The following DMBX1 variants were observed in gnomAD, a reference collection of about 807,000 sequenced individuals.
The protein encoded by DMBX1 is diencephalon/mesencephalon homeobox 1, also known as diencephalon/mesencephalon homeobox protein 1.
DMBX1 carries 7 observed loss-of-function variants against 30.4 expected under a neutral mutation model. The observed-to-expected ratio is 0.23, with a 90% CI of 0.13 to 0.43. The LOEUF (loss-of-function observed/expected upper bound fraction) is 0.43, where lower values mean the gene tolerates loss of function less well. DMBX1 is among the 20% of genes least tolerant of loss of function. The pLI, the probability that DMBX1 is intolerant of heterozygous loss-of-function variation, is 1.00. For synonymous variants in DMBX1, 222 were observed against 214.2 expected (o/e 1.04, Z -0.32); for missense variants, 460 against 508.5 (o/e 0.90, Z 0.92).
At position 46,515,949 on chromosome 1, in the gene DMBX1, TAC is replaced by T. The variant is rs1317802008; in HGVS notation, c.*3457_*3458del. ...CCCCAACTCCAAGGCTGGTGGGCTC[TAC>T]AGACTGCTTTCCAAACCAGCTGTTT... On this transcript the variant is annotated 3_prime_UTR_variant, in exon 6 of 6. Transcript: ENST00000360032. 6.6e-6 allele frequency among the ~76,000 whole-genome samples: 1 copy of T among 152,236 alleles called. No individual in the cohort carries two copies. The highest frequency in any genetic ancestry group is 1.9e-4 in the East Asian group (1 of 5,200).
intron 2 of DMBX1, among the ~76,000 whole-genome samples, chr1:46,499,933 C>A (rs1364941222): frequency 6.6e-6 from 1 of 152,184 alleles, no homozygotes; most frequent in Non-Finnish European, 1.5e-5. Context: ...TGATCATCCT[C>A]ATTTCTATGA....
At position 46,489,864 on chromosome 1, in the gene DMBX1, G is replaced by A. The variant is rs1665897340; in HGVS notation, c.-166G>A. On this transcript the variant is annotated 5_prime_UTR_variant, in exon 1 of 6. Transcript: ENST00000360032. ...GATGGCAGCGGAGGCGGCGGCGCGG[G>A]CCGGGGTGACCAGGTACGAGCGGGC... 6.6e-6 allele frequency among the ~76,000 whole-genome samples: 1 copy of A among 152,128 alleles called. No individual in the cohort carries two copies. The highest frequency in any genetic ancestry group is 1.5e-5 in the Non-Finnish European group (1 of 68,002).
rs1247354884 is a variant in DMBX1, at chr1:46,491,836, A to G, written c.-13+1053A>G. Among the ~76,000 whole-genome samples, 1 of 152,200 alleles carries G rather than the reference A, an allele frequency of 6.6e-6. No individual in the cohort carries two copies. Among genetic ancestry groups the G allele is most frequent in the East Asian group, 1.9e-4 (1 of 5,200 alleles). On this transcript the variant is annotated intron_variant, in intron 2 of 5. Coordinates refer to ENST00000360032, the MANE Select transcript of DMBX1 (RefSeq NM_172225.2). This position sits in a 1 kb window ranked among gnomAD's most constrained non-coding sequence, Gnocchi z 5.5. ...CTCTGGCCTAAGGACGAATGAATTT[A>G]GTTCCTACCTCCCCTTTCTGCAAAC...
At chr1:46,500,735 A>G (rs1569885551) in intron 2 of DMBX1, among the ~76,000 whole-genome samples, 1 of 152,070 alleles carries the variant, frequency 6.6e-6, no homozygotes, top group Non-Finnish European at 1.5e-5. Flanking sequence ...TTTGTTACCT[A>G]TTTCCCCCAC....
chr1:46,503,186 A>G (rs1014271291), intron 2 of DMBX1, among the ~76,000 whole-genome samples: 1 of 152,190 alleles, frequency 6.6e-6, no homozygotes, highest in African/African-American at 2.4e-5. Flanking sequence ...CTCTGCCTGG[A>G]AAGCCTTTCC....
At chr1:46,501,253 T>C (rs867627769) in intron 2 of DMBX1, among the ~76,000 whole-genome samples, 2,937 of 134,466 alleles carry the variant, frequency 0.022, 58 homozygotes, top group Middle Eastern at 0.062. Context: ...TTTCTTTCTT[T>C]CTTTCTTTCT....
At chr1:46,501,836 A>C (rs1255046046) in intron 2 of DMBX1, among the ~76,000 whole-genome samples, 1 of 152,102 alleles carries the variant, frequency 6.6e-6, no homozygotes, top group Non-Finnish European at 1.5e-5. Flanking sequence ...TTTATTCCTA[A>C]GTAAGAGTTC....
chr1:46,510,742 T>C lies in DMBX1; in HGVS notation c.333+88T>C. ...TGTCCAGGAGCCAGCATGTCATCCC[T>C]GTGCCAAGGTGCAACTGATCTCTCC... On this transcript the variant is annotated intron_variant, in intron 4 of 5. Coordinates refer to ENST00000360032, the MANE Select transcript of DMBX1 (RefSeq NM_172225.2). The surrounding 1 kb of genome is among the most constrained non-coding windows in gnomAD (Gnocchi z 4.1). 6.8e-7 allele frequency: 1 copy of C among 1,479,490 alleles called. No homozygotes were observed. The allele number at this position is 1,479,490 out of a possible 1,614,324, so 91.6% of individuals were successfully genotyped here.
chr1:46,499,237 T>A (rs1886117), intron 2 of DMBX1, among the ~76,000 whole-genome samples: 106,884 of 152,050 alleles, frequency 0.7, 37,716 homozygotes, highest in African/African-American at 0.76. Flanking sequence ...GGGTTTCACC[T>A]TGTTGGCCAG....
intron 2 of DMBX1, among the ~76,000 whole-genome samples, chr1:46,500,126 G>A (rs1304558101): frequency 6.6e-6 from 1 of 152,028 alleles, no homozygotes; most frequent in Admixed American, 6.6e-5. Context: ...GAGTAAAGGC[G>A]TGGAGATGAG....
Position 46,495,745 on chromosome 1 carries a change from G to C in DMBX1, c.-13+4962G>C, listed in dbSNP as rs139105912. On this transcript the variant is annotated intron_variant, in intron 2 of 5. Transcript: ENST00000360032. ...TTCCATTTCTGAATCTGTAAGATGG[G>C]GATGGCAGGAGAGGCTTCCTGGAGA... Among the ~76,000 whole-genome samples the C allele has an allele frequency of 3.2e-3, 493 of 152,284 alleles. 3 individuals carry two copies. Among genetic ancestry groups the C allele is most frequent in the East Asian group, 0.011 (57 of 5,168 alleles).
rs373896752 is a variant in DMBX1, at chr1:46,499,327, C to T, written c.-12-7672C>T. ...GCTGGGATTACAGGCGTAAGCCCCG[C>T]GCCCAGCAGAATGTGCTTTTTCTTG... On this transcript the variant is annotated intron_variant, in intron 2 of 5. Transcript: ENST00000360032. Among the ~76,000 whole-genome samples, 119 of 152,330 alleles carry T rather than the reference C, an allele frequency of 7.8e-4. 2 individuals carry two copies. In the South Asian group the frequency reaches 0.021, roughly 27 times the overall value.
At chr1:46,496,301 G>A (rs900674694) in intron 2 of DMBX1, among the ~76,000 whole-genome samples, 9 of 152,220 alleles carry the variant, frequency 5.9e-5, no homozygotes, top group Middle Eastern at 3.4e-3. Flanking sequence ...GGGTAGGATC[G>A]GGATCTCCAC....
At chr1:46,511,998 A>G (rs1212924085) in intron 5 of DMBX1, 45 bp from the exon 6 acceptor site, 1 of 1,567,550 alleles carries the variant, frequency 6.4e-7, no homozygotes, top group Admixed American at 1.8e-5. Flanking sequence ...TGGCAGACCA[A>G]TGCCCTTGTC....
intron 2 of DMBX1, among the ~76,000 whole-genome samples, chr1:46,497,897 G>A (rs1242831136): frequency 4.6e-5 from 7 of 152,248 alleles, no homozygotes; most frequent in South Asian, 2.1e-4. Flanking sequence ...CGGCCGCGCC[G>A]TGATGGATGG....
Position 46,512,164 on chromosome 1 carries a change from C to T in DMBX1, c.804C>T (p.His268=). Residue 268 remains histidine, a synonymous_variant, in exon 6 of 6, where the codon CAC becomes CAT. Transcript: ENST00000360032. This position sits in a 1 kb window ranked among gnomAD's most constrained non-coding sequence, Gnocchi z 4.8. The part of the protein sequence containing the change: ...LFRLQEQFRQ[H]MAATNNLVHY... The stretch of plus-strand genomic sequence containing the variant: ...GTCTGCAGGAGCAATTCCGCCAGCA[C>T]ATGGCGGCCACCAACAACCTGGTGC... 1 of 1,614,094 alleles carries T rather than the reference C, an allele frequency of 6.2e-7. No homozygotes were observed. The highest frequency in any genetic ancestry group is 1.7e-5 in the Admixed American group (1 of 60,022).
chr1:46,493,130 G>A lies in DMBX1; in HGVS notation c.-13+2347G>A, dbSNP rs1002002180. ...CCACCCCTTTCTCACAGTCCCGCTC[G>A]GCCGCCCCGCAGTGCCCATGTAAAT... is the stretch of plus-strand genomic sequence containing the variant. On this transcript the variant is annotated intron_variant, in intron 2 of 5. Transcript: ENST00000360032. This position sits in a 1 kb window ranked among gnomAD's most constrained non-coding sequence, Gnocchi z 4.1. Among the ~76,000 whole-genome samples the A allele has an allele frequency of 2.0e-5, 3 of 151,868 alleles. No individual in the cohort carries two copies. The highest frequency in any genetic ancestry group is 2.9e-5 in the Non-Finnish European group (2 of 67,982).
intron 3 of DMBX1, among the ~76,000 whole-genome samples, chr1:46,509,791 G>A (rs572997626): frequency 1.2e-4 from 19 of 152,212 alleles, no homozygotes; most frequent in African/African-American, 4.1e-4. Context: ...TACCTGAGAC[G>A]TGAGCCCTGC....
At position 46,510,488 on chromosome 1, in the gene DMBX1, A is replaced by C; in HGVS notation, c.167A>C (p.Glu56Ala). The C allele has an allele frequency of 6.2e-7, 1 of 1,613,848 alleles. No homozygotes were observed. The highest frequency in any genetic ancestry group is 1.3e-5 in the African/African-American group (1 of 75,026). ...LAERLADIIL[E>A]ARYGSQHRKQ... Reference sequence around the variant, plus strand: ...TGTACATTTCAAGACATCATCTTGGAGGCCCGTTATGGTTCCCAGCACCGC... The same window carrying C: ...TGTACATTTCAAGACATCATCTTGGCGGCCCGTTATGGTTCCCAGCACCGC... The change falls in exon 4 of 6, where the codon GAG (glutamate) becomes GCG (alanine). Residue 56 changes from glutamate (E) to alanine (A), a missense_variant. This residue lies in a region of DMBX1 where 124 missense variants were observed against 144.0 expected (regional missense o/e 0.86). Transcript: ENST00000360032. This position sits in a 1 kb window ranked among gnomAD's most constrained non-coding sequence, Gnocchi z 4.1.
Sources: gnomAD v4.1 joint callset for allele counts (sites outside exome capture counted in the v4.1 genomes callset) on GRCh38, gnomAD v4.1.1 for gene constraint, gnomAD v4.1.1 regional missense constraint, Gnocchi (gnomAD v3.1) non-coding constraint, MANE v1.5 for transcripts, NCBI Gene and HGNC (gene_info 2026-07-23, HGNC 2026-07-21) for gene names.